The following CNTNAP2 variants were observed in gnomAD, a reference collection of about 807,000 sequenced individuals.
The protein encoded by CNTNAP2 is contactin associated protein 2, also known as contactin-associated protein-like 2.
In CNTNAP2, 98 loss-of-function variants were observed where a neutral mutation model predicts 155.2. That is an observed-to-expected ratio of 0.63 (90% CI 0.54 to 0.75). The LOEUF is 0.75. Ranked by LOEUF, CNTNAP2 falls within the 30% of genes least tolerant of loss-of-function variation. CNTNAP2 has a pLI of 0.00. For missense variants in CNTNAP2, 1,727 were observed against 1,688.1 expected (o/e 1.02, Z -0.40); for synonymous variants, 651 against 631.2 (o/e 1.03, Z -0.47).
intron 14 of CNTNAP2, among the ~76,000 whole-genome samples, chr7:147,975,026 A>ATATACAATTTTTTGTATTACG (rs2116860584): frequency 1.5e-5 from 2 of 137,120 alleles, no homozygotes; most frequent in East Asian, 4.5e-4. Context: ...TTTGTATTAC[A>ATATACAATTTTTTGTATTACG]TATAATACAA....
chr7:146,986,705 A>T (rs1442798867), intron 3 of CNTNAP2, among the ~76,000 whole-genome samples: 1 of 151,922 alleles, frequency 6.6e-6, no homozygotes, highest in African/African-American at 2.4e-5. Context: ...TTCTTGTAGG[A>T]GTAGGTGGTA....
At chr7:147,743,302 G>T (rs1037255315) in intron 13 of CNTNAP2, among the ~76,000 whole-genome samples, 3 of 152,174 alleles carry the variant, frequency 2.0e-5, no homozygotes, top group Admixed American at 1.3e-4. Flanking sequence ...CTGGAATAGG[G>T]AAATAGGTGG....
intron 10 of CNTNAP2, among the ~76,000 whole-genome samples, chr7:147,447,148 T>G (rs1341052266): frequency 2.0e-5 from 3 of 152,154 alleles, no homozygotes; most frequent in African/African-American, 7.2e-5. Flanking sequence ...AAGGGGCGCT[T>G]ATTTCAACCA....
intron 10 of CNTNAP2, among the ~76,000 whole-genome samples, chr7:147,401,366 AT>A (rs1265535605): frequency 1.3e-5 from 2 of 152,190 alleles, no homozygotes; most frequent in African/African-American, 4.8e-5. Flanking sequence ...TCTTCATTAT[AT>A]TTTTGGATGA....
At chr7:148,366,270 A>G (rs531693754) in intron 21 of CNTNAP2, among the ~76,000 whole-genome samples, 10 of 107,032 alleles carry the variant, frequency 9.3e-5, no homozygotes, top group Non-Finnish European at 1.4e-4. Flanking sequence ...GTATATGTGT[A>G]CATGTATATA....
intron 13 of CNTNAP2, among the ~76,000 whole-genome samples, chr7:147,876,990 A>C (rs917232132): frequency 6.6e-6 from 1 of 151,980 alleles, no homozygotes; most frequent in Non-Finnish European, 1.5e-5. Flanking sequence ...GGTGCTCAGG[A>C]ATGGATGCAA....
chr7:146,994,278 T>C (rs1318990840), intron 3 of CNTNAP2, among the ~76,000 whole-genome samples: 2 of 152,174 alleles, frequency 1.3e-5, no homozygotes, highest in Non-Finnish European at 2.9e-5. Flanking sequence ...TCAGAGTTTT[T>C]GTACTGCACT....
intron 1 of CNTNAP2, among the ~76,000 whole-genome samples, chr7:146,738,278 T>G (rs1393398264): frequency 6.6e-6 from 1 of 152,040 alleles, no homozygotes; most frequent in Non-Finnish European, 1.5e-5. Context: ...TCAACATTTT[T>G]TTTCATATAC....
intron 19 of CNTNAP2, among the ~76,000 whole-genome samples, chr7:148,225,479 G>A (rs1163722927): frequency 6.6e-6 from 1 of 152,166 alleles, no homozygotes; most frequent in Non-Finnish European, 1.5e-5. Flanking sequence ...GAGTGAGCAA[G>A]GAGGAGAGTA....
At chr7:146,513,960 T>C (rs111534205) in intron 1 of CNTNAP2, among the ~76,000 whole-genome samples, 6 of 152,186 alleles carry the variant, frequency 3.9e-5, no homozygotes, top group African/African-American at 1.4e-4. Context: ...GAGTATAGTA[T>C]GTTTTGTTTA....
chr7:146,354,379 A>G (rs577632007), intron 1 of CNTNAP2, among the ~76,000 whole-genome samples: 2 of 150,702 alleles, frequency 1.3e-5, no homozygotes, highest in East Asian at 3.9e-4. Context: ...AGACACAGGT[A>G]TATTTTATTC....
Position 147,414,672 on chromosome 7 carries a change from T to C in CNTNAP2, c.1670+18892T>C, listed in dbSNP as rs182913302. ...AAGAAATGGATTCTCCCAGGTGCGG[T>C]GGCTCACGCCTGTAATCCCAGCACT... On this transcript the variant is annotated intron_variant, in intron 10 of 23. Transcript: ENST00000361727. Among the ~76,000 whole-genome samples the C allele has an allele frequency of 4.6e-5, 7 of 151,884 alleles. No individual in the cohort carries two copies. The East Asian group carries it at 1.4e-3, about 30-fold the overall frequency.
intron 3 of CNTNAP2, among the ~76,000 whole-genome samples, chr7:147,029,643 C>T (rs2129249787): frequency 6.6e-6 from 1 of 150,872 alleles, no homozygotes; most frequent in African/African-American, 2.4e-5. Flanking sequence ...TTTAGCTCTT[C>T]TATATTTTGA....
chr7:146,423,907 T>C (rs1221481518), intron 1 of CNTNAP2, among the ~76,000 whole-genome samples: 1 of 151,890 alleles, frequency 6.6e-6, no homozygotes, highest in East Asian at 1.9e-4. Flanking sequence ...TGTATCACGT[T>C]ACTCAATTTC....
chr7:148,401,184 T>G (rs183083061), intron 22 of CNTNAP2, among the ~76,000 whole-genome samples: 2 of 152,290 alleles, frequency 1.3e-5, no homozygotes, highest in Non-Finnish European at 2.9e-5. Flanking sequence ...GATCCAGACT[T>G]TCAAGGTTCA....
chr7:147,245,459 C>A (rs1804038027), intron 8 of CNTNAP2, among the ~76,000 whole-genome samples: 1 of 151,938 alleles, frequency 6.6e-6, no homozygotes, highest in African/African-American at 2.4e-5. Context: ...CGGGTTGGTC[C>A]AGACAGCCAC....
chr7:148,405,932 A>T (rs954528752), intron 22 of CNTNAP2, among the ~76,000 whole-genome samples: 7 of 152,044 alleles, frequency 4.6e-5, no homozygotes, highest in Admixed American at 3.3e-4. Context: ...TCGAAGGTAC[A>T]TATTATTTAA....
intron 13 of CNTNAP2, among the ~76,000 whole-genome samples, chr7:147,720,879 A>T (rs1416430623): frequency 6.6e-6 from 1 of 152,090 alleles, no homozygotes; most frequent in African/African-American, 2.4e-5. Flanking sequence ...CTGGGTATCA[A>T]GGTCTTTATG....
chr7:146,533,107 C>CAAAAAAAA (rs553035616), intron 1 of CNTNAP2, among the ~76,000 whole-genome samples: 8 of 47,850 alleles, frequency 1.7e-4, no homozygotes, highest in African/African-American at 5.4e-4. Context: ...GACCCTGTCT[C>CAAAAAAAA]AAAAAAAAAA....
Sources: gnomAD v4.1 joint callset for allele counts (sites outside exome capture counted in the v4.1 genomes callset) on GRCh38, gnomAD v4.1.1 for gene constraint, MANE v1.5 for transcripts, NCBI Gene and HGNC (gene_info 2026-07-23, HGNC 2026-07-21) for gene names.